The following FGF13 variants were observed in gnomAD, a reference collection of about 807,000 sequenced individuals.
FGF13 encodes the protein fibroblast growth factor homologous factor 2.
FGF13 carries 2 observed loss-of-function variants against 19.5 expected under a neutral mutation model. The observed-to-expected ratio is 0.10, with a 90% CI of 0.04 to 0.32. The LOEUF (loss-of-function observed/expected upper bound fraction) is 0.32. Among genes scored for constraint, FGF13 ranks in the 10% least tolerant of loss-of-function variants. FGF13 has a pLI of 1.00. For missense variants in FGF13, 113 were observed against 192.7 expected, an observed-to-expected ratio of 0.59 and a Z score of 2.45; for synonymous variants, 72 against 76.9, an observed-to-expected ratio of 0.94 and a Z score of 0.33.
intron 3 of FGF13, among the ~76,000 whole-genome samples, chrX:138,753,881 G>C (rs2090414766): frequency 8.9e-6 from 1 of 111,967 alleles, no homozygotes; most frequent in South Asian, 3.8e-4. Context: ...TCTCTTTACT[G>C]AACTGGTTGT....
Position 139,134,103 on chromosome X carries a change from A to G in FGF13, c.-113+69313T>C, listed in dbSNP as rs190715189. Among the ~76,000 whole-genome samples, 193 of 111,646 alleles carry G rather than the reference A, an allele frequency of 1.7e-3. 1 individual carries two copies. The highest frequency in any genetic ancestry group is 5.9e-3 in the African/African-American group (183 of 30,757). ...GGCAACCCCCTAACTCCAGATCAACATGGCAGAACATATGTCATGGAATCA... is the reference window on the plus strand; with the variant it reads ...GGCAACCCCCTAACTCCAGATCAACGTGGCAGAACATATGTCATGGAATCA... On this transcript the variant is annotated intron_variant, in intron 1 of 2. Transcript: ENST00000421460.
intron 1 of FGF13, among the ~76,000 whole-genome samples, chrX:139,198,883 G>A (rs952597916): frequency 2.7e-5 from 3 of 111,653 alleles, no homozygotes; most frequent in Non-Finnish European, 3.8e-5. Context: ...TGCATTTACC[G>A]GGAAACCCAC....
intron 3 of FGF13, among the ~76,000 whole-genome samples, chrX:138,640,361 C>T (rs1032507761): frequency 2.7e-5 from 3 of 111,909 alleles, no homozygotes; most frequent in Non-Finnish European, 3.8e-5. Context: ...TGGAAATAAC[C>T]GCAAGACCCA....
chrX:138,834,958 T>C (rs1458630561), intron 3 of FGF13, among the ~76,000 whole-genome samples: 1 of 111,904 alleles, frequency 8.9e-6, no homozygotes, highest in Non-Finnish European at 1.9e-5. Flanking sequence ...TCCATGTAAT[T>C]ATATGGTTTT....
At chrX:138,864,136 T>C (rs2091304318) in intron 2 of FGF13, among the ~76,000 whole-genome samples, 1 of 112,143 alleles carries the variant, frequency 8.9e-6, no homozygotes. Context: ...ATTGCCTTAT[T>C]TGAGAATCAC....
chrX:138,703,055 C>T lies in FGF13; in HGVS notation c.331G>A (p.Val111Met). The T allele has an allele frequency of 8.3e-7, 1 of 1,207,636 alleles. No individual in the cohort carries two copies. Among genetic ancestry groups the T allele is most frequent in the Non-Finnish European group, 1.1e-6 (1 of 891,627 alleles). Residue 111 changes from valine to methionine, a missense_variant, in exon 3 of 5, where the codon GTG (valine) becomes ATG (methionine). Val to Met is a conservative substitution (Grantham distance 21). Coordinates refer to ENST00000315930, the MANE Select transcript of FGF13 (RefSeq NM_004114.5). ...GTTTGAACTCCTTGGATAGCCACCA[C>T]TCGCAGACCCACAGGGATGAGGTTA... ...LFNLIPVGLRVVAIQGVQTKL... is the reference protein window; with the variant it reads ...LFNLIPVGLRMVAIQGVQTKL...
At chrX:138,704,347 A>G (rs1194729890) in intron 2 of FGF13, among the ~76,000 whole-genome samples, 1 of 111,796 alleles carries the variant, frequency 8.9e-6, no homozygotes, top group Non-Finnish European at 1.9e-5. Context: ...GAATAAAAAT[A>G]AAACAGTACA....
intron 1 of FGF13, 119 bp from the exon 2 acceptor site, chrX:138,709,047 T>C: frequency 2.5e-6 from 1 of 407,017 alleles, no homozygotes; most frequent in Non-Finnish European, 4.3e-6. Context: ...CAAACTACAC[T>C]TTTAAGGTGT....
intron 3 of FGF13, among the ~76,000 whole-genome samples, chrX:138,823,914 T>A (rs2091016181): frequency 8.9e-6 from 1 of 112,156 alleles, no homozygotes; most frequent in East Asian, 2.8e-4. Flanking sequence ...TGAGTGAACC[T>A]GTAACTCATT....
intron 1 of FGF13, among the ~76,000 whole-genome samples, chrX:139,059,152 C>T (rs1249660886): frequency 9.0e-6 from 1 of 110,926 alleles, no homozygotes; most frequent in African/African-American, 3.3e-5. Context: ...CAAAAACCAA[C>T]CAAAAGCTAG....
At chrX:139,200,367 C>A (rs112625042) in intron 1 of FGF13, among the ~76,000 whole-genome samples, 8 of 112,283 alleles carry the variant, frequency 7.1e-5, no homozygotes, top group African/African-American at 1.9e-4. Context: ...GGCTGCATGA[C>A]CACAGTGACC....
Position 138,623,712 on chromosome X carries a change from G to A in FGF13, c.*9138C>T, listed in dbSNP as rs746372019. On this transcript the variant is annotated 3_prime_UTR_variant, in exon 5 of 5. Transcript: ENST00000315930. ...GAATCCCTTTAACTCGGGAGGCAGA[G>A]GTTGTGGTGAGCCAAGATCACACCA... 1 of 111,388 alleles carries A rather than the reference G, an allele frequency of 9.0e-6. No individual in the cohort carries two copies. The highest frequency in any genetic ancestry group is 3.8e-4 in the South Asian group (1 of 2,636). The allele number at this position is 111,388 out of a possible 1,213,427, so 9.2% of individuals were successfully genotyped here.
At chrX:138,794,699 GTAA>G (rs2090765639) in intron 3 of FGF13, among the ~76,000 whole-genome samples, 1 of 111,584 alleles carries the variant, frequency 9.0e-6, no homozygotes, top group Non-Finnish European at 1.9e-5. Context: ...CGTCCCAAAG[GTAA>G]TAATTTGTTT....
rs1194203747 is a variant in FGF13, at chrX:138,627,954, G to C, written c.*4896C>G. ...TGTACTCATGTGATATTAGCAAAAG[G>C]GTTCATTAATTTGTCATAGATTATT... On this transcript the variant is annotated 3_prime_UTR_variant, in exon 5 of 5. Transcript: ENST00000315930. The C allele has an allele frequency of 1.8e-5, 2 of 111,068 alleles. No individual in the cohort carries two copies. The highest frequency in any genetic ancestry group is 3.8e-5 in the Non-Finnish European group (2 of 53,074). 9.2% of individuals were successfully genotyped at this position (111,068 alleles called of 1,213,427 possible).
At chrX:139,032,666 C>T (rs1023813132) in intron 1 of FGF13, among the ~76,000 whole-genome samples, 1 of 110,731 alleles carries the variant, frequency 9.0e-6, no homozygotes, top group Non-Finnish European at 1.9e-5. Flanking sequence ...AGGCATCAAC[C>T]AAGTCACTGA....
chrX:139,084,870 T>G (rs1486843870), intron 1 of FGF13, among the ~76,000 whole-genome samples: 2 of 112,350 alleles, frequency 1.8e-5, no homozygotes, highest in Non-Finnish European at 3.8e-5. Context: ...TTGAGCACTT[T>G]GCCCCAGAAC....
chrX:139,064,376 C>T (rs1489861599), intron 1 of FGF13, among the ~76,000 whole-genome samples: 2 of 75,120 alleles, frequency 2.7e-5, no homozygotes, highest in East Asian at 8.3e-4. Flanking sequence ...AATCTCGGCT[C>T]ACTGCAAGCT....
intron 3 of FGF13, among the ~76,000 whole-genome samples, chrX:138,809,011 G>T (rs1003311795): frequency 1.8e-5 from 2 of 111,670 alleles, no homozygotes; most frequent in Non-Finnish European, 3.8e-5. Context: ...AATTCTACCA[G>T]AGTTACAAGG....
intron 1 of FGF13, among the ~76,000 whole-genome samples, chrX:138,989,421 C>T (rs991218108): frequency 3.6e-5 from 4 of 111,623 alleles, no homozygotes; most frequent in Non-Finnish European, 7.5e-5. Flanking sequence ...AGAAGGGATC[C>T]AGCGCCTGGT....
Sources: allele counts gnomAD v4.1 joint callset (sites outside exome capture counted in the v4.1 genomes callset), GRCh38; gene constraint gnomAD v4.1.1; transcripts MANE v1.5; gene names NCBI Gene and HGNC (gene_info 2026-07-23, HGNC 2026-07-21).